TAF1B: variants seen among roughly 807,000 people sequenced by gnomAD.
The protein encoded by TAF1B is TATA box-binding protein-associated factor RNA polymerase I subunit B.
In TAF1B, 61 loss-of-function variants were observed where a neutral mutation model predicts 83.9. The ratio of observed to expected loss-of-function variants is 0.73; its 90% confidence interval spans 0.59 to 0.90. The LOEUF (loss-of-function observed/expected upper bound fraction) is 0.90. TAF1B is among the 40% of genes least tolerant of loss of function. The probability of loss-of-function intolerance (pLI) is 0.00; values close to 1 mark genes in which losing one functional copy is unlikely to be tolerated. For missense variants in TAF1B, 625 were observed against 677.0 expected, an observed-to-expected ratio of 0.92 and a Z score of 0.85; for synonymous variants, 221 against 224.6, an observed-to-expected ratio of 0.98 and a Z score of 0.14.
At chr2:9,894,639 G>A (rs1664963822) in intron 8 of TAF1B, among the ~76,000 whole-genome samples, 1 of 152,094 alleles carries the variant, frequency 6.6e-6, no homozygotes, top group South Asian at 2.1e-4. Flanking sequence ...ATAATTTTGT[G>A]TGGATTACCT....
chr2:9,921,850 C>T (rs555007902), intron 14 of TAF1B, among the ~76,000 whole-genome samples: 26 of 152,216 alleles, frequency 1.7e-4, no homozygotes, highest in Admixed American at 3.3e-4. Context: ...CTTTTAGTTC[C>T]GTTTTATATA....
chr2:9,862,096 T>C (rs570538405), intron 5 of TAF1B, among the ~76,000 whole-genome samples: 1 of 152,130 alleles, frequency 6.6e-6, no homozygotes, highest in South Asian at 2.1e-4. Context: ...GGAAGGAGAA[T>C]GACATTGACG....
At position 9,910,696 on chromosome 2, in the gene TAF1B, A is replaced by G. The variant is rs754882716; in HGVS notation, c.956-40A>G. On this transcript the variant is annotated intron_variant, in intron 9 of 14. Transcript: ENST00000263663. ...TGGATATATACATTGGGGATGGTCTAGTTGGCAAATAATTTACATTTTACT... is the reference window on the plus strand; with the variant it reads ...TGGATATATACATTGGGGATGGTCTGGTTGGCAAATAATTTACATTTTACT... The G allele has an allele frequency of 7.0e-6, 11 of 1,567,732 alleles. No homozygotes were observed. In the African/African-American group the frequency reaches 1.3e-4, roughly 19 times the overall value.
chr2:9,875,735 G>A, intron 6 of TAF1B, 130 bp from the exon 7 acceptor site: 3 of 910,050 alleles, frequency 3.3e-6, no homozygotes, highest in Non-Finnish European at 4.8e-6. Context: ...TACAGTTCAA[G>A]ATGAGATTTG....
intron 1 of TAF1B, chr2:9,844,235 C>G (rs1663124371): frequency 6.6e-6 from 1 of 150,872 alleles, no homozygotes; most frequent in Admixed American, 6.6e-5. Context: ...ACTGCAGCCT[C>G]GAATCCTGGG....
At chr2:9,929,794 G>A (rs566514331) in intron 14 of TAF1B, among the ~76,000 whole-genome samples, 4 of 152,208 alleles carry the variant, frequency 2.6e-5, no homozygotes, top group South Asian at 4.2e-4. Flanking sequence ...TGATGAGTTC[G>A]GCTGTGAATC....
chr2:9,849,292 T>A (rs1219972286), intron 2 of TAF1B, 81 bp from the exon 3 acceptor site: 3 of 1,124,328 alleles, frequency 2.7e-6, no homozygotes, highest in Non-Finnish European at 3.8e-6. Flanking sequence ...TGGTTTATTA[T>A]ACTTTCCAGA....
rs978183574 is a variant in TAF1B, at chr2:9,920,637, G to A, written c.1565+817G>A. On this transcript the variant is annotated intron_variant, in intron 14 of 14. Transcript: ENST00000263663. Reference sequence around the variant, plus strand: ...TTAATAGTGATCACCCAGTCAAGGTGCTGTGTCGTTTTTCCACAGTGTAGT... The same window carrying A: ...TTAATAGTGATCACCCAGTCAAGGTACTGTGTCGTTTTTCCACAGTGTAGT... 9.2e-5 allele frequency among the ~76,000 whole-genome samples: 14 copies of A among 152,162 alleles called. No individual in the cohort carries two copies. In the South Asian group the frequency reaches 1.0e-3, roughly 11 times the overall value.
chr2:9,931,349 G>A (rs888288063), intron 14 of TAF1B, among the ~76,000 whole-genome samples: 3 of 152,260 alleles, frequency 2.0e-5, no homozygotes, highest in Non-Finnish European at 2.9e-5. Flanking sequence ...AGGAGCTCTT[G>A]TAAGGCAGGC....
intron 8 of TAF1B, among the ~76,000 whole-genome samples, chr2:9,900,981 C>T (rs1210585596): frequency 6.6e-6 from 1 of 152,100 alleles, no homozygotes; most frequent in Non-Finnish European, 1.5e-5. Context: ...GAGGGTTTCT[C>T]TAAGTTGTCA....
chr2:9,859,386 A>ATTTTTT (rs34951709), intron 5 of TAF1B, among the ~76,000 whole-genome samples: 1 of 133,424 alleles, frequency 7.5e-6, no homozygotes. Context: ...CACTATCAGC[A>ATTTTTT]TTTTTTTTTT....
At chr2:9,926,566 C>T (rs1206309882) in intron 14 of TAF1B, among the ~76,000 whole-genome samples, 4 of 152,038 alleles carry the variant, frequency 2.6e-5, no homozygotes, top group East Asian at 1.9e-4. Flanking sequence ...TGGCCAGGTG[C>T]GGTGGCTCAT....
At chr2:9,855,151 C>T (rs1663521530) in intron 5 of TAF1B, among the ~76,000 whole-genome samples, 1 of 152,154 alleles carries the variant, frequency 6.6e-6, no homozygotes, top group Non-Finnish European at 1.5e-5. Context: ...CCCGCCACCA[C>T]ACCTGGTTCA....
intron 4 of TAF1B, among the ~76,000 whole-genome samples, chr2:9,852,360 T>A (rs1404869334): frequency 6.6e-6 from 1 of 152,218 alleles, no homozygotes; most frequent in African/African-American, 2.4e-5. Flanking sequence ...AAGCCAGTTA[T>A]TTAGCAACAA....
chr2:9,919,186 G>A lies in TAF1B; in HGVS notation c.1342+75G>A. The stretch of plus-strand genomic sequence containing the variant: ...AAAATTAAATATCTGGACTTGAAAT[G>A]TTGAATGCTTAAGTTTTTTACTTTT... On this transcript the variant is annotated intron_variant, in intron 13 of 14. Coordinates refer to ENST00000263663, the MANE Select transcript of TAF1B (RefSeq NM_005680.3). The A allele has an allele frequency of 2.3e-6, 3 of 1,278,632 alleles. No homozygotes were observed. The South Asian group carries it at 3.7e-5, about 16-fold the overall frequency. 79.2% of individuals were successfully genotyped at this position (1,278,632 alleles called of 1,614,324 possible).
chr2:9,914,342 GA>G lies in TAF1B; in HGVS notation c.1271+1095del, dbSNP rs1422161966. 6.6e-6 allele frequency among the ~76,000 whole-genome samples: 1 copy of G among 152,174 alleles called. No individual in the cohort carries two copies. The highest frequency in any genetic ancestry group is 2.4e-5 in the African/African-American group (1 of 41,436). On this transcript the variant is annotated intron_variant, in intron 12 of 14. Coordinates refer to ENST00000263663, the MANE Select transcript of TAF1B (RefSeq NM_005680.3). The surrounding 1 kb of genome is among the most constrained non-coding windows in gnomAD (Gnocchi z 4.3). ...CCAGGCTCCCTGCCTCCTCATCAGA[GA>G]AGGAGTGACTCTTCAGTCAGTGGCT...
chr2:9,886,076 A>G (rs1363195000), intron 8 of TAF1B, among the ~76,000 whole-genome samples: 1 of 152,110 alleles, frequency 6.6e-6, no homozygotes, highest in Admixed American at 6.6e-5. Flanking sequence ...AGGATTTTTC[A>G]TGAGGATTAT....
At chr2:9,910,041 A>G (rs1665473876) in intron 9 of TAF1B, among the ~76,000 whole-genome samples, 1 of 105,618 alleles carries the variant, frequency 9.5e-6, no homozygotes. Flanking sequence ...TTGTGTGGTC[A>G]CAGCTTACAT....
At chr2:9,913,878 T>C (rs13000106) in intron 12 of TAF1B, among the ~76,000 whole-genome samples, 78,208 of 152,090 alleles carry the variant, frequency 0.51, 23,123 homozygotes, top group Non-Finnish European at 0.68. Flanking sequence ...ACTTAACCTT[T>C]TGCTGAGTCT....
Sources: gnomAD v4.1 joint callset for allele counts (sites outside exome capture counted in the v4.1 genomes callset) on GRCh38, gnomAD v4.1.1 for gene constraint, Gnocchi (gnomAD v3.1) non-coding constraint, MANE v1.5 for transcripts, NCBI Gene and HGNC (gene_info 2026-07-23, HGNC 2026-07-21) for gene names.